Variants in TEX2 observed in about 807,000 individuals in gnomAD.
TEX2 encodes the protein testis expressed 2.
A neutral mutation model predicts 106.9 loss-of-function variants in TEX2; 53 were observed. The ratio of observed to expected loss-of-function variants is 0.50; its 90% CI spans 0.40 to 0.62. The LOEUF (loss-of-function observed/expected upper bound fraction) is 0.62, where lower values mean the gene tolerates loss of function less well. Ranked by LOEUF, TEX2 falls within the 20% of genes least tolerant of loss-of-function variation. The pLI, the probability that TEX2 is intolerant of heterozygous loss-of-function variation, is 0.00. For missense variants in TEX2, 1,207 were observed against 1,379.0 expected, an observed-to-expected ratio of 0.88 and a Z score of 1.98; for synonymous variants, 523 against 534.8, an observed-to-expected ratio of 0.98 and a Z score of 0.30.
At chr17:64,232,989 T>C (rs2033690097) in intron 1 of TEX2, among the ~76,000 whole-genome samples, 1 of 152,126 alleles carries the variant, frequency 6.6e-6, no homozygotes, top group Non-Finnish European at 1.5e-5. Context: ...GCATTTGGGA[T>C]TGAGGGAAGG....
At chr17:64,204,479 G>T (rs1254688079) in intron 2 of TEX2, among the ~76,000 whole-genome samples, 2 of 152,292 alleles carry the variant, frequency 1.3e-5, no homozygotes, top group East Asian at 3.9e-4. Context: ...ATGGTCATCT[G>T]TATGTTAAAT....
intron 10 of TEX2, 85 bp from the exon 11 acceptor site, chr17:64,151,046 G>C (rs2030327721): frequency 6.9e-7 from 1 of 1,450,852 alleles, no homozygotes; most frequent in South Asian, 1.3e-5. Flanking sequence ...TCATTTACAT[G>C]GGGCTTTATC....
intron 2 of TEX2, among the ~76,000 whole-genome samples, chr17:64,208,966 A>G (rs1380654443): frequency 6.6e-6 from 1 of 152,178 alleles, no homozygotes; most frequent in African/African-American, 2.4e-5. Flanking sequence ...AGGAGATGAC[A>G]GGGTCAATAC....
intron 2 of TEX2, among the ~76,000 whole-genome samples, chr17:64,199,000 GA>G (rs1230636263): frequency 6.6e-6 from 1 of 152,176 alleles, no homozygotes; most frequent in Non-Finnish European, 1.5e-5. Flanking sequence ...CAGTCTCTGA[GA>G]AATAGAGTAA....
intron 2 of TEX2, among the ~76,000 whole-genome samples, chr17:64,203,243 TA>T (rs782447204): frequency 2.7e-4 from 41 of 152,280 alleles, no homozygotes; most frequent in Non-Finnish European, 5.0e-4. Context: ...CTGACAGCAG[TA>T]ACAATGCAGC....
chr17:64,234,677 A>C (rs1417696843), intron 1 of TEX2, among the ~76,000 whole-genome samples: 1 of 152,172 alleles, frequency 6.6e-6, no homozygotes, highest in Non-Finnish European at 1.5e-5. Flanking sequence ...AGAAAGAATA[A>C]ATGGGACGGC....
In TEX2 at chr17:64,214,137, C is replaced by A. The variant is rs1555632263; in HGVS notation, c.81G>T (p.Arg27Ser). Residue 27 changes from arginine to serine, a missense_variant, in exon 2 of 12, where the codon AGG becomes AGT. Around this residue, in one of 3 missense-constraint regions of TEX2, gnomAD observed 1,067 missense variants for 1,193.6 expected, o/e 0.89. Coordinates refer to ENST00000584379, the MANE Select transcript of TEX2 (RefSeq NM_001288732.2). ...TGGCGATGGTATCTCGGGACACGGA[C>A]CTCTGCACGTGCACTTTAGGGGCTG... ...KPSAPKVHVQ[R>S]SVSRDTIAIH... 1.2e-6 allele frequency: 2 copies of A among 1,614,192 alleles called. No homozygotes were observed. The highest frequency in any genetic ancestry group is 1.6e-4 in the Middle Eastern group (1 of 6,062).
chr17:64,245,762 T>C (rs2033975292), intron 1 of TEX2, among the ~76,000 whole-genome samples: 1 of 146,264 alleles, frequency 6.8e-6, no homozygotes, highest in Admixed American at 7.1e-5. Flanking sequence ...GTCATAGGGA[T>C]ACGAACCAAC....
At chr17:64,260,270 C>G (rs930550131) in intron 1 of TEX2, among the ~76,000 whole-genome samples, 4 of 152,198 alleles carry the variant, frequency 2.6e-5, no homozygotes, top group Non-Finnish European at 5.9e-5. Flanking sequence ...GAGGACACTG[C>G]AAGAGACATC....
chr17:64,210,872 G>A (rs1264866653), intron 2 of TEX2, among the ~76,000 whole-genome samples: 1 of 151,926 alleles, frequency 6.6e-6, no homozygotes, highest in African/African-American at 2.4e-5. Flanking sequence ...GGCAGGTCTA[G>A]GCATGAACCT....
intron 7 of TEX2, among the ~76,000 whole-genome samples, chr17:64,164,437 A>G (rs1226380951): frequency 6.6e-6 from 1 of 151,966 alleles, no homozygotes; most frequent in Non-Finnish European, 1.5e-5. Context: ...GAAGAAGAAA[A>G]AAAAAAAAAA....
At chr17:64,256,353 C>T (rs548111333) in intron 1 of TEX2, among the ~76,000 whole-genome samples, 1 of 152,122 alleles carries the variant, frequency 6.6e-6, no homozygotes, top group Non-Finnish European at 1.5e-5. Context: ...AGAAACTTCC[C>T]GAGGCCCCTT....
At chr17:64,238,932 G>A (rs1555635429) in intron 1 of TEX2, among the ~76,000 whole-genome samples, 1 of 152,070 alleles carries the variant, frequency 6.6e-6, no homozygotes, top group East Asian at 1.9e-4. Context: ...TTCACTAAAA[G>A]GTTTGAGATA....
chr17:64,177,527 G>A, intron 5 of TEX2, 56 bp from the exon 6 acceptor site: 2 of 1,575,656 alleles, frequency 1.3e-6, no homozygotes, highest in South Asian at 1.1e-5. Context: ...AATAAGACAG[G>A]TGCTTATTTT....
intron 9 of TEX2, 28 bp downstream of exon 9, chr17:64,154,814 A>C: frequency 6.5e-7 from 1 of 1,546,278 alleles, no homozygotes; most frequent in Non-Finnish European, 8.7e-7. Flanking sequence ...CTGGAGACTC[A>C]GAGGCACAGA....
Position 64,217,524 on chromosome 17 carries a change from C to T in TEX2, c.-25-3282G>A, listed in dbSNP as rs1270347152. On this transcript the variant is annotated intron_variant, in intron 1 of 11. Transcript: ENST00000584379. The surrounding 1 kb of genome is among the most constrained non-coding windows in gnomAD (Gnocchi z 4.3). ...GCTTTTGTACCTGCCCTCTGTGCTC[C>T]GTCATGGACAGCTCACTTACAAGCT... Among the ~76,000 whole-genome samples the T allele has an allele frequency of 6.6e-6, 1 of 152,186 alleles. No homozygotes were observed. Among genetic ancestry groups the T allele is most frequent in the South Asian group, 2.1e-4 (1 of 4,828 alleles).
At chr17:64,155,478 G>A (rs1415240523) in intron 8 of TEX2, 1 of 152,292 alleles carries the variant, frequency 6.6e-6, no homozygotes, top group Non-Finnish European at 1.5e-5. Context: ...AACCCTCCAA[G>A]TGAGTTTTGA....
At chr17:64,248,933 G>A (rs2034040599) in intron 1 of TEX2, among the ~76,000 whole-genome samples, 1 of 152,078 alleles carries the variant, frequency 6.6e-6, no homozygotes, top group African/African-American at 2.4e-5. Flanking sequence ...TACTTAGGAG[G>A]CTGAGGAAGG....
intron 7 of TEX2, among the ~76,000 whole-genome samples, chr17:64,161,725 C>T (rs2030895817): frequency 6.6e-6 from 1 of 151,982 alleles, no homozygotes; most frequent in Admixed American, 6.6e-5. Flanking sequence ...TGACCCTCTT[C>T]TACTTGAGGA....
Sources: allele counts gnomAD v4.1 joint callset (sites outside exome capture counted in the v4.1 genomes callset), GRCh38; gene constraint gnomAD v4.1.1; regional missense constraint gnomAD v4.1.1; non-coding constraint Gnocchi (gnomAD v3.1); transcripts MANE v1.5; gene names NCBI Gene and HGNC (gene_info 2026-07-23, HGNC 2026-07-21).